The following DMD variants were observed in gnomAD, a reference collection of about 807,000 sequenced individuals.
DMD encodes dystrophin.
In DMD, 63 loss-of-function variants were observed where a neutral mutation model predicts 330.1. The observed-to-expected ratio is 0.19, with a 90% CI of 0.16 to 0.24. The LOEUF (loss-of-function observed/expected upper bound fraction) is 0.24. Ranked by LOEUF, DMD falls within the 10% of genes least tolerant of loss-of-function variation. The pLI is 1.00. For missense variants in DMD, 3,344 were observed against 2,684.1 expected, an observed-to-expected ratio of 1.25 and a Z score of -5.43; for synonymous variants, 1,223 against 959.8, an observed-to-expected ratio of 1.27 and a Z score of -5.07.
At chrX:31,881,291 G>A (rs1041853620) in intron 47 of DMD, among the ~76,000 whole-genome samples, 1 of 109,247 alleles carries the variant, frequency 9.2e-6, no homozygotes, top group Non-Finnish European at 1.9e-5. Context: ...GGTGGCTCAC[G>A]CCTGTAATCC....
At chrX:31,811,883 G>T (rs1313159017) in intron 50 of DMD, among the ~76,000 whole-genome samples, 1 of 111,255 alleles carries the variant, frequency 9.0e-6, no homozygotes, top group Non-Finnish European at 1.9e-5. Flanking sequence ...CCCCTGCCAT[G>T]TTTCTATTAA....
At chrX:32,141,491 C>G (rs924369100) in intron 44 of DMD, among the ~76,000 whole-genome samples, 1 of 109,877 alleles carries the variant, frequency 9.1e-6, no homozygotes, top group Non-Finnish European at 1.9e-5. Context: ...CACGTTAATT[C>G]TCTTCTAAAT....
intron 44 of DMD, among the ~76,000 whole-genome samples, chrX:32,032,124 G>A (rs2095889528): frequency 9.0e-6 from 1 of 111,126 alleles, no homozygotes; most frequent in Non-Finnish European, 1.9e-5. Flanking sequence ...AATGCTGACC[G>A]AAAGATTTTA....
At chrX:32,111,533 C>A (rs187608890) in intron 44 of DMD, among the ~76,000 whole-genome samples, 1 of 112,081 alleles carries the variant, frequency 8.9e-6, no homozygotes, top group Non-Finnish European at 1.9e-5. Flanking sequence ...AGACTAACTA[C>A]AGCTTTTTAC....
intron 1 of DMD, among the ~76,000 whole-genome samples, chrX:33,073,859 A>G (rs1214214640): frequency 9.1e-6 from 1 of 110,435 alleles, no homozygotes; most frequent in Non-Finnish European, 1.9e-5. Flanking sequence ...AAATAAATAA[A>G]TAAATAAATA....
intron 1 of DMD, among the ~76,000 whole-genome samples, chrX:33,287,080 G>T (rs2053444539): frequency 9.0e-6 from 1 of 111,660 alleles, no homozygotes; most frequent in African/African-American, 3.3e-5. Context: ...AATATCTGTT[G>T]TGTTAAGGCA....
At position 32,522,422 on chromosome X, in the gene DMD, C is replaced by T. The variant is rs747078767; in HGVS notation, c.2169-4291G>A. Among the ~76,000 whole-genome samples the T allele has an allele frequency of 6.3e-5, 7 of 111,801 alleles. 1 individual carries two copies. In the South Asian group the frequency reaches 2.2e-3, roughly 36 times the overall value. ...GGGTACATGTGATAATTTAACATAT[C>T]CGTATAATTTGTAAAGATCGCATCA... On this transcript the variant is annotated intron_variant, in intron 17 of 78. Coordinates refer to ENST00000357033, the MANE Select transcript of DMD (RefSeq NM_004006.3).
chrX:32,057,673 A>G (rs1394811999), intron 44 of DMD, among the ~76,000 whole-genome samples: 2 of 111,453 alleles, frequency 1.8e-5, no homozygotes, highest in Non-Finnish European at 3.8e-5. Context: ...TATCCAAACC[A>G]TCTACAGATA....
chrX:32,029,084 G>T (rs2095866441), intron 44 of DMD, among the ~76,000 whole-genome samples: 2 of 110,639 alleles, frequency 1.8e-5, no homozygotes, highest in African/African-American at 6.6e-5. Context: ...GAGGTTCACG[G>T]ATAGTAAATT....
intron 41 of DMD, among the ~76,000 whole-genome samples, chrX:32,315,745 T>G (rs1051385375): frequency 1.8e-5 from 2 of 111,073 alleles, no homozygotes; most frequent in African/African-American, 3.3e-5. Flanking sequence ...CCATAGATTA[T>G]TATATACCGA....
At chrX:31,410,921 GT>G (rs758238229) in intron 60 of DMD, among the ~76,000 whole-genome samples, 820 of 59,796 alleles carry the variant, frequency 0.014, 9 homozygotes, top group East Asian at 0.091. Context: ...CTGTGTGTGT[GT>G]TTTTTTTTTT....
chrX:31,124,833 A>G (rs906459952), intron 78 of DMD, among the ~76,000 whole-genome samples: 1 of 111,828 alleles, frequency 8.9e-6, no homozygotes, highest in Non-Finnish European at 1.9e-5. Flanking sequence ...CTGGTGCTCT[A>G]TTTTTTAAAA....
chrX:32,950,308 G>A (rs1361805844), intron 2 of DMD, among the ~76,000 whole-genome samples: 2 of 111,105 alleles, frequency 1.8e-5, no homozygotes, highest in Non-Finnish European at 3.8e-5. Context: ...ATAGAAATAA[G>A]TATCATTTTA....
chrX:32,530,081 A>G (rs1430647005), intron 17 of DMD, among the ~76,000 whole-genome samples: 1 of 112,123 alleles, frequency 8.9e-6, no homozygotes, highest in Non-Finnish European at 1.9e-5. Flanking sequence ...CTTGTCCTAA[A>G]ATATGCCTAT....
intron 44 of DMD, among the ~76,000 whole-genome samples, chrX:32,193,485 C>A (rs2096984906): frequency 8.9e-6 from 1 of 111,753 alleles, no homozygotes; most frequent in Non-Finnish European, 1.9e-5. Context: ...TATGGCTTCA[C>A]CTCTGCCTGT....
intron 41 of DMD, among the ~76,000 whole-genome samples, chrX:32,338,833 G>A (rs1354433956): frequency 1.8e-5 from 2 of 111,039 alleles, no homozygotes; most frequent in Non-Finnish European, 1.9e-5. Context: ...GCCCTTTCTT[G>A]GCAGTCATCA....
chrX:31,696,467 A>T (rs904417185), intron 52 of DMD, among the ~76,000 whole-genome samples: 3 of 112,074 alleles, frequency 2.7e-5, no homozygotes, highest in Non-Finnish European at 5.7e-5. Flanking sequence ...TAAGGATAGT[A>T]GTCACCCTTG....
At chrX:32,657,807 A>T (rs2060682174) in intron 9 of DMD, among the ~76,000 whole-genome samples, 1 of 111,911 alleles carries the variant, frequency 8.9e-6, no homozygotes, top group Admixed American at 9.6e-5. Flanking sequence ...CTTAATCCTA[A>T]GTTTAACAAT....
rs72176984 is a variant in DMD, at chrX:31,242,262, C to CAAAAAAAAAAA, written c.9286+18682_9286+18692dup. On this transcript the variant is annotated intron_variant, in intron 63 of 78. Coordinates refer to ENST00000357033, the MANE Select transcript of DMD (RefSeq NM_004006.3). Reference sequence around the variant, plus strand: ...CAAAGTGAGACCCTGTCTCAAAAAGCAAAAAAAAAAAAAAAAAAAAAAAAA... The same window carrying CAAAAAAAAAAA: ...CAAAGTGAGACCCTGTCTCAAAAAGCAAAAAAAAAAAAAAAAAAAAAAAAAAAAAAAAAAAA... 7.3e-4 allele frequency among the ~76,000 whole-genome samples: 18 copies of CAAAAAAAAAAA among 24,648 alleles called. 2 individuals carry two copies. The highest frequency in any genetic ancestry group is 1.2e-3 in the Non-Finnish European group (15 of 13,010). The allele number at this position is 24,648 out of a possible 115,157, so 21.4% of individuals were successfully genotyped here.
Sources: allele counts gnomAD v4.1 joint callset (sites outside exome capture counted in the v4.1 genomes callset), GRCh38; gene constraint gnomAD v4.1.1; transcripts MANE v1.5; gene names NCBI Gene and HGNC (gene_info 2026-07-23, HGNC 2026-07-21).